Variants in PDCD10 observed in about 807,000 individuals in gnomAD.
PDCD10 encodes the protein programmed cell death protein 10.
PDCD10 carries 4 observed loss-of-function variants against 29.2 expected under a neutral mutation model. That is an observed-to-expected ratio of 0.14 (90% confidence interval 0.07 to 0.31). The LOEUF (loss-of-function observed/expected upper bound fraction) is 0.31, where lower values mean the gene tolerates loss of function less well. Ranked by LOEUF, PDCD10 falls within the 10% of genes least tolerant of loss-of-function variation. The pLI is 1.00. For missense variants in PDCD10, 183 were observed against 257.9 expected, an observed-to-expected ratio of 0.71 and a Z score of 1.99; for synonymous variants, 70 against 82.2, an observed-to-expected ratio of 0.85 and a Z score of 0.80.
intron 4 of PDCD10, among the ~76,000 whole-genome samples, chr3:167,702,806 CAT>C (rs1356238192): frequency 4.6e-5 from 7 of 152,220 alleles, no homozygotes; most frequent in Admixed American, 4.6e-4. Flanking sequence ...ACATTTTTAA[CAT>C]GTCCTCCTTC....
intron 2 of PDCD10, among the ~76,000 whole-genome samples, chr3:167,733,909 T>G (rs910784551): frequency 6.6e-6 from 1 of 152,210 alleles, no homozygotes; most frequent in Non-Finnish European, 1.5e-5. Flanking sequence ...AAACTGGCCA[T>G]TTTTATTTTT....
chr3:167,687,978 G>A (rs1241002069), intron 6 of PDCD10, among the ~76,000 whole-genome samples: 1 of 152,068 alleles, frequency 6.6e-6, no homozygotes, highest in African/African-American at 2.4e-5. Context: ...TTCATTAAGC[G>A]TTCCTTACTC....
rs1262269453 is a variant in PDCD10, at chr3:167,697,048, T to A, written c.229A>T (p.Thr77Ser). ...LEKKSVEVNF[T>S]ESLLRMAADD... ...GCTGCCATACGAAGAAGGGACTCCG[T>A]GAAGTTAACTTCCACGCTTTTTTTC... Residue 77 changes from threonine to serine, a missense_variant, in exon 5 of 9, where the codon ACG (threonine) becomes TCG (serine). Physicochemically the swap from Thr to Ser is moderately conservative, Grantham distance 58. Coordinates refer to ENST00000392750, the MANE Select transcript of PDCD10 (RefSeq NM_007217.4). 1 of 1,607,906 alleles carries A rather than the reference T, an allele frequency of 6.2e-7. No individual in the cohort carries two copies. The highest frequency in any genetic ancestry group is 1.1e-5 in the South Asian group (1 of 90,974).
At chr3:167,694,387 G>T in intron 6 of PDCD10, 1 of 180,952 alleles carries the variant, frequency 5.5e-6, no homozygotes, top group South Asian at 1.2e-4. Context: ...TCAGAGGCTG[G>T]ACTCTCTTCA....
intron 7 of PDCD10, 35 bp from the exon 8 acceptor site, chr3:167,687,351 T>A (rs749884863): frequency 9.8e-6 from 12 of 1,222,516 alleles, no homozygotes; most frequent in South Asian, 7.4e-5. Context: ...AATAAAGTAC[T>A]AAATAAGAGA....
chr3:167,714,697 CA>C (rs1306877145), intron 3 of PDCD10, among the ~76,000 whole-genome samples: 1 of 151,630 alleles, frequency 6.6e-6, no homozygotes, highest in Non-Finnish European at 1.5e-5. Flanking sequence ...TTACAGTAGC[CA>C]CAAATAAAAT....
intron 6 of PDCD10, among the ~76,000 whole-genome samples, chr3:167,693,421 T>C (rs905103792): frequency 2.0e-5 from 3 of 152,208 alleles, no homozygotes; most frequent in Admixed American, 2.0e-4. Context: ...CAAGTACCAG[T>C]ACCTTCAAAT....
intron 4 of PDCD10, 30 bp from the exon 5 acceptor site, chr3:167,697,156 T>C (rs756980604): frequency 8.6e-7 from 1 of 1,165,460 alleles, no homozygotes; most frequent in African/African-American, 1.5e-5. Flanking sequence ...AGTTTTGAAA[T>C]ACAGATAAGG....
chr3:167,734,623 AC>A (rs1725212293), intron 1 of PDCD10, 38 bp downstream of exon 1: 1 of 151,650 alleles, frequency 6.6e-6, no homozygotes, highest in African/African-American at 2.4e-5. Flanking sequence ...GCATTTACAA[AC>A]CCGCTTTACG....
At chr3:167,732,233 T>C (rs371452301) in intron 2 of PDCD10, among the ~76,000 whole-genome samples, 7 of 152,188 alleles carry the variant, frequency 4.6e-5, no homozygotes, top group Non-Finnish European at 8.8e-5. Context: ...CTTAACCAAC[T>C]TGAGCCTCTT....
At chr3:167,692,897 G>A (rs1257437928) in intron 6 of PDCD10, among the ~76,000 whole-genome samples, 3 of 152,196 alleles carry the variant, frequency 2.0e-5, no homozygotes, top group Non-Finnish European at 2.9e-5. Context: ...CAGCCTGGGC[G>A]ACAGAGCAAG....
At chr3:167,701,254 C>T (rs1721394571) in intron 4 of PDCD10, among the ~76,000 whole-genome samples, 1 of 151,840 alleles carries the variant, frequency 6.6e-6, no homozygotes, top group Admixed American at 6.6e-5. Context: ...TATAGAGATA[C>T]CTATATATCT....
At chr3:167,713,329 A>G (rs1054736513) in intron 3 of PDCD10, among the ~76,000 whole-genome samples, 3 of 152,108 alleles carry the variant, frequency 2.0e-5, no homozygotes, top group African/African-American at 7.2e-5. Flanking sequence ...TAGGCTTCTG[A>G]ATTAACCGTG....
At chr3:167,690,557 T>G (rs534062707) in intron 6 of PDCD10, among the ~76,000 whole-genome samples, 17 of 152,342 alleles carry the variant, frequency 1.1e-4, no homozygotes, top group African/African-American at 2.9e-4. Context: ...TTAGTTGAGA[T>G]GTATTGGACT....
intron 2 of PDCD10, chr3:167,725,433 T>C (rs1450608225): frequency 1.3e-5 from 2 of 152,036 alleles, no homozygotes; most frequent in African/African-American, 4.8e-5. Context: ...AAAATGCTGT[T>C]AGTCACTTCC....
At chr3:167,691,581 G>A (rs1466526715) in intron 6 of PDCD10, among the ~76,000 whole-genome samples, 2 of 152,212 alleles carry the variant, frequency 1.3e-5, no homozygotes, top group Non-Finnish European at 2.9e-5. Flanking sequence ...ATGTCTCAGG[G>A]ACTCTGTAGG....
At chr3:167,695,017 C>A (rs1184582641) in intron 6 of PDCD10, among the ~76,000 whole-genome samples, 3 of 152,200 alleles carry the variant, frequency 2.0e-5, no homozygotes, top group African/African-American at 4.8e-5. Context: ...TTCACTCAAT[C>A]CCCTACCCTC....
intron 3 of PDCD10, among the ~76,000 whole-genome samples, chr3:167,710,143 C>G (rs1366734078): frequency 2.0e-5 from 3 of 152,154 alleles, no homozygotes; most frequent in Non-Finnish European, 2.9e-5. Flanking sequence ...TCAGGTGAAA[C>G]CCAGCAAATT....
At chr3:167,727,297 C>T (rs1204891751) in intron 2 of PDCD10, among the ~76,000 whole-genome samples, 2 of 152,160 alleles carry the variant, frequency 1.3e-5, no homozygotes, top group Non-Finnish European at 2.9e-5. Context: ...CAATTGGCTC[C>T]TACGATATTT....
Sources: gnomAD v4.1 joint callset for allele counts (sites outside exome capture counted in the v4.1 genomes callset) on GRCh38, gnomAD v4.1.1 for gene constraint, MANE v1.5 for transcripts, NCBI Gene and HGNC (gene_info 2026-07-23, HGNC 2026-07-21) for gene names.